The following SLC6A6 variants were observed in gnomAD, a reference collection of about 807,000 sequenced individuals.
SLC6A6 encodes sodium- and chloride-dependent taurine transporter.
A neutral mutation model predicts 68.8 loss-of-function variants in SLC6A6; 16 were observed. The ratio of observed to expected loss-of-function variants is 0.23; its 90% CI spans 0.16 to 0.35. SLC6A6 has a LOEUF of 0.35. Among genes scored for constraint, SLC6A6 ranks in the 10% least tolerant of loss-of-function variants. The pLI is 1.00. For missense variants in SLC6A6, 474 were observed against 802.8 expected, an observed-to-expected ratio of 0.59 and a Z score of 4.95; for synonymous variants, 312 against 315.4, an observed-to-expected ratio of 0.99 and a Z score of 0.12.
intron 2 of SLC6A6, among the ~76,000 whole-genome samples, chr3:14,435,332 G>T (rs1307689864): frequency 6.6e-6 from 1 of 152,206 alleles, no homozygotes; most frequent in African/African-American, 2.4e-5. Flanking sequence ...CAGGCAGGAG[G>T]CTTCTAGCGG....
chr3:14,441,492 G>A (rs886766622), intron 2 of SLC6A6, among the ~76,000 whole-genome samples: 1 of 152,210 alleles, frequency 6.6e-6, no homozygotes, highest in African/African-American at 2.4e-5. Context: ...CAGAGGAAGG[G>A]CTCCATGAGC....
intron 5 of SLC6A6, among the ~76,000 whole-genome samples, chr3:14,454,170 G>A (rs1376348191): frequency 6.6e-6 from 1 of 152,180 alleles, no homozygotes. Flanking sequence ...GCCTGACATA[G>A]GTATTGATAG....
chr3:14,410,167 A>C (rs1467170468), intron 1 of SLC6A6, among the ~76,000 whole-genome samples: 2 of 121,222 alleles, frequency 1.6e-5, no homozygotes, highest in Non-Finnish European at 3.2e-5. Context: ...ACAGAGTGAG[A>C]CTCCATCTCA....
intron 1 of SLC6A6, among the ~76,000 whole-genome samples, chr3:14,405,610 G>A (rs775750507): frequency 5.3e-5 from 8 of 152,212 alleles, no homozygotes; most frequent in Non-Finnish European, 8.8e-5. Flanking sequence ...AAGGTCATGA[G>A]CAAGAGTCAG....
chr3:14,408,374 A>G (rs560726176), intron 1 of SLC6A6, among the ~76,000 whole-genome samples: 2 of 150,480 alleles, frequency 1.3e-5, no homozygotes, highest in African/African-American at 4.9e-5. Flanking sequence ...TTGCTCTGTC[A>G]CCCAGGCTGG....
rs1233351129 is a variant in SLC6A6 at position 14,468,069 on chromosome 3, T to C, written c.972-19T>C. 2 of 1,614,060 alleles carry C rather than the reference T, an allele frequency of 1.2e-6. No homozygotes were observed. Among genetic ancestry groups the C allele is most frequent in the Non-Finnish European group, 1.7e-6 (2 of 1,180,018 alleles). ...TTGTGTTGTGAATTAACTTGCTCCCTGACATATGTGTAACTTAGGGACTGT... is the reference window on the plus strand; with the variant it reads ...TTGTGTTGTGAATTAACTTGCTCCCCGACATATGTGTAACTTAGGGACTGT... On this transcript the variant is annotated intron_variant, in intron 8 of 14. Transcript: ENST00000622186. The surrounding 1 kb of genome is among the most constrained non-coding windows in gnomAD (Gnocchi z 4.5).
rs1256837057 is a variant in SLC6A6 at position 14,467,905 on chromosome 3, G to T, written c.920G>T (p.Gly307Val). Reference sequence around the variant, plus strand: ...TTCTTCTCTTATGCCATCTGCCTGGGGGCTATGACCTCGCTGGGGAGCTAC... The same window carrying T: ...TTCTTCTCTTATGCCATCTGCCTGGTGGCTATGACCTCGCTGGGGAGCTAC... ...QIFFSYAICLGAMTSLGSYNK... is the reference protein window; with the variant it reads ...QIFFSYAICLVAMTSLGSYNK... The change falls in exon 8 of 15, where the codon GGG becomes GTG. Residue 307 changes from glycine to valine, a missense_variant. By Grantham distance (109) the Gly-to-Val change is moderately radical. Transcript: ENST00000622186. 6.2e-7 allele frequency: 1 copy of T among 1,613,978 alleles called. No individual in the cohort carries two copies.
intron 2 of SLC6A6, among the ~76,000 whole-genome samples, chr3:14,422,451 C>T (rs1014468020): frequency 3.3e-5 from 5 of 152,140 alleles, no homozygotes; most frequent in Admixed American, 2.6e-4. Flanking sequence ...GAGTCTCCAC[C>T]CCTTCGATTT....
chr3:14,404,267 G>A (rs906538941), intron 1 of SLC6A6, among the ~76,000 whole-genome samples: 3 of 152,138 alleles, frequency 2.0e-5, no homozygotes, highest in Non-Finnish European at 4.4e-5. Context: ...GAGAGAGCGG[G>A]TGAGTGCTTA....
rs181818404 is a variant in SLC6A6 at position 14,482,490 on chromosome 3, C to G, written c.1722+649C>G. Among the ~76,000 whole-genome samples, 9 of 152,390 alleles carry G rather than the reference C, an allele frequency of 5.9e-5. No individual in the cohort carries two copies. In the East Asian group the frequency reaches 1.7e-3, roughly 29 times the overall value. ...AAGGCCCTACTCTTTCCAAGAAATT[C>G]TTTTCTCAGAATCTCCCTTAACCTT... is the stretch of plus-strand genomic sequence containing the variant. On this transcript the variant is annotated intron_variant, in intron 14 of 14. Transcript: ENST00000622186.
chr3:14,446,453 C>G (rs1700123059), intron 4 of SLC6A6, among the ~76,000 whole-genome samples: 1 of 152,224 alleles, frequency 6.6e-6, no homozygotes, highest in Admixed American at 6.5e-5. Flanking sequence ...CTATGGCATA[C>G]TGTGTTCACT....
rs932137107 is a variant in SLC6A6, at chr3:14,473,661, G to A, written c.1209+1344G>A. 9.9e-5 allele frequency among the ~76,000 whole-genome samples: 15 copies of A among 152,142 alleles called. 1 individual carries two copies. Among genetic ancestry groups the A allele is most frequent in the Admixed American group, 3.3e-4 (5 of 15,284 alleles). Reference sequence around the variant, plus strand: ...GCAGGATTAGCAGAGAAGACAGAACGAAAACATCAGGGAGACGGAAAACAA... The same window carrying A: ...GCAGGATTAGCAGAGAAGACAGAACAAAAACATCAGGGAGACGGAAAACAA... On this transcript the variant is annotated intron_variant, in intron 10 of 14. Transcript: ENST00000622186.
At chr3:14,436,053 G>A (rs955824290) in intron 2 of SLC6A6, among the ~76,000 whole-genome samples, 2 of 152,280 alleles carry the variant, frequency 1.3e-5, no homozygotes, top group South Asian at 4.1e-4. Context: ...AACAGATACA[G>A]ACCTCATGAT....
In SLC6A6 at chr3:14,466,622, C is replaced by T; in HGVS notation, c.839C>T (p.Pro280Leu). 3 of 1,612,536 alleles carry T rather than the reference C, an allele frequency of 1.9e-6. No individual in the cohort carries two copies. The highest frequency in any genetic ancestry group is 2.7e-5 in the African/African-American group (2 of 75,038). Residue 280 changes from proline to leucine, a missense_variant, in exon 7 of 15, where the codon CCT (proline) becomes CTT (leucine). Pro to Leu is a moderately conservative substitution (Grantham distance 98). This residue lies in a region of SLC6A6 where 280 missense variants were observed against 533.1 expected (regional missense o/e 0.53). Coordinates refer to ENST00000622186, the MANE Select transcript of SLC6A6 (RefSeq NM_003043.6). ...GCAGGCATCAAGTTCTATCTGTATC[C>T]TGACATCACCCGCCTTGAGGACCCA... The part of the protein sequence containing the change: ...AGAGIKFYLY[P>L]DITRLEDPQV...
chr3:14,462,676 G>A (rs1312627782), intron 6 of SLC6A6, among the ~76,000 whole-genome samples: 2 of 152,090 alleles, frequency 1.3e-5, no homozygotes, highest in Non-Finnish European at 1.5e-5. Context: ...TCTAGCATGG[G>A]CGACAGAGAC....
Position 14,477,298 on chromosome 3 carries a change from G to A in SLC6A6, c.1303G>A (p.Val435Met), listed in dbSNP as rs763840556. Residue 435 changes from valine (V) to methionine (M), a missense_variant, in exon 11 of 15, where the codon GTG becomes ATG. Val to Met is a conservative substitution (Grantham distance 21, BLOSUM62 1). Around this residue, in one of 2 missense-constraint regions of SLC6A6, gnomAD observed 194 missense variants for 269.8 expected, o/e 0.72. Transcript: ENST00000622186. The surrounding 1 kb of genome is among the most constrained non-coding windows in gnomAD (Gnocchi z 4.2). ...GYRREIFIAF[V>M]CSISYLLGLT... ...TCGTCGGGAAATCTTCATCGCCTTC[G>A]TGTGTAGCATCAGCTACCTGCTGGG... 5.9e-5 allele frequency: 96 copies of A among 1,613,922 alleles called. No individual in the cohort carries two copies. The highest frequency in any genetic ancestry group is 1.6e-4 in the Middle Eastern group (1 of 6,080).
chr3:14,474,948 G>A (rs1700840085), intron 10 of SLC6A6, among the ~76,000 whole-genome samples: 1 of 152,242 alleles, frequency 6.6e-6, no homozygotes, highest in Non-Finnish European at 1.5e-5. Context: ...TCATACTGCT[G>A]CGCCTTTCTT....
intron 1 of SLC6A6, among the ~76,000 whole-genome samples, chr3:14,406,048 T>C (rs1028137094): frequency 1.3e-5 from 2 of 152,070 alleles, no homozygotes; most frequent in African/African-American, 4.8e-5. Context: ...GCTGGCATTC[T>C]CCACAGGGGG....
intron 4 of SLC6A6, among the ~76,000 whole-genome samples, chr3:14,447,255 T>C (rs1205461104): frequency 6.6e-6 from 1 of 151,802 alleles, no homozygotes; most frequent in East Asian, 1.9e-4. Flanking sequence ...CATCCATCCA[T>C]CCATCCATCC....
Sources: allele counts gnomAD v4.1 joint callset (sites outside exome capture counted in the v4.1 genomes callset), GRCh38; gene constraint gnomAD v4.1.1; regional missense constraint gnomAD v4.1.1; non-coding constraint Gnocchi (gnomAD v3.1); transcripts MANE v1.5; gene names NCBI Gene and HGNC (gene_info 2026-07-23, HGNC 2026-07-21).